The following NTM variants were observed in gnomAD, a reference collection of about 807,000 sequenced individuals.
NTM encodes the protein IgLON family member 2.
A neutral mutation model predicts 42.1 loss-of-function variants in NTM; 13 were observed. The observed-to-expected ratio is 0.31, with a 90% CI of 0.20 to 0.49. The LOEUF (loss-of-function observed/expected upper bound fraction) is 0.49. NTM is among the 20% of genes least tolerant of loss of function. The pLI is 0.99. For synonymous variants in NTM, 187 were observed against 179.2 expected (o/e 1.04, Z -0.35); for missense variants, 373 against 452.8 (o/e 0.82, Z 1.60).
intron 1 of NTM, among the ~76,000 whole-genome samples, chr11:131,876,662 A>C (rs550554078): frequency 6.6e-6 from 1 of 152,314 alleles, no homozygotes; most frequent in Non-Finnish European, 1.5e-5. Flanking sequence ...AAGAGATATC[A>C]CTTATGCTAC....
intron 3 of NTM, among the ~76,000 whole-genome samples, chr11:132,188,479 A>G (rs578250755): frequency 6.6e-6 from 1 of 152,306 alleles, no homozygotes; most frequent in East Asian, 1.9e-4. Flanking sequence ...ACATCTTCAG[A>G]AAGGAAAATT....
intron 1 of NTM, chr11:131,546,831 C>G (rs2054010999): frequency 6.6e-6 from 1 of 152,312 alleles, no homozygotes; most frequent in Non-Finnish European, 1.5e-5. Flanking sequence ...CTTCCTCTTT[C>G]TTTCCATTGC....
chr11:132,130,751 GC>G (rs1219820210), intron 2 of NTM, among the ~76,000 whole-genome samples: 2 of 152,210 alleles, frequency 1.3e-5, no homozygotes, highest in Non-Finnish European at 2.9e-5. Context: ...TGATGGAGTT[GC>G]CGGCAGCAGA....
At chr11:132,023,907 C>G (rs1419438772) in intron 2 of NTM, among the ~76,000 whole-genome samples, 1 of 151,886 alleles carries the variant, frequency 6.6e-6, no homozygotes, top group Non-Finnish European at 1.5e-5. Context: ...CAACCTCCAC[C>G]TCCTGGGTTC....
chr11:132,222,647 C>G (rs1193461345), intron 4 of NTM, among the ~76,000 whole-genome samples: 1 of 152,154 alleles, frequency 6.6e-6, no homozygotes, highest in Non-Finnish European at 1.5e-5. Context: ...CCGCAGCCTG[C>G]CTTTTGCACT....
intron 1 of NTM, among the ~76,000 whole-genome samples, chr11:131,633,535 C>T (rs1437639074): frequency 1.3e-5 from 2 of 151,942 alleles, no homozygotes; most frequent in East Asian, 3.9e-4. Context: ...CTCTCTCTCT[C>T]TCTCTCTATC....
intron 1 of NTM, among the ~76,000 whole-genome samples, chr11:131,500,567 ATATATATATATTTTTTTTTTTT>A (rs2046636324): frequency 3.7e-5 from 1 of 27,102 alleles, no homozygotes; most frequent in African/African-American, 2.8e-4. Flanking sequence ...ATATATATAT[ATATATATATATTTTTTTTTTTT>A]TTTTTTGTAT....
chr11:132,183,708 C>T (rs1484350196), intron 3 of NTM, among the ~76,000 whole-genome samples: 1 of 152,146 alleles, frequency 6.6e-6, no homozygotes, highest in Non-Finnish European at 1.5e-5. Context: ...GACTCACCAA[C>T]TCCAAAAAGT....
At position 131,789,871 on chromosome 11, in the gene NTM, G is replaced by A. The variant is rs1382711790; in HGVS notation, c.83-121693G>A. Among the ~76,000 whole-genome samples, 79 of 149,690 alleles carry A rather than the reference G, an allele frequency of 5.3e-4. 1 individual carries two copies. Among genetic ancestry groups the A allele is most frequent in the African/African-American group, 1.6e-3 (64 of 40,894 alleles). ...CACGGGAGGCTGAGGCAGGAGAATGGCGTGAACCCGGGAGGCGGAGCTTGC... is the reference window on the plus strand; with the variant it reads ...CACGGGAGGCTGAGGCAGGAGAATGACGTGAACCCGGGAGGCGGAGCTTGC... On this transcript the variant is annotated intron_variant, in intron 1 of 8. Transcript: ENST00000683400.
intron 1 of NTM, among the ~76,000 whole-genome samples, chr11:131,794,187 G>C (rs901964903): frequency 2.0e-5 from 3 of 152,132 alleles, no homozygotes; most frequent in Non-Finnish European, 4.4e-5. Context: ...CCACCTCTGT[G>C]TGCAGGGCCT....
chr11:131,498,668 T>C (rs1955605471), intron 1 of NTM, among the ~76,000 whole-genome samples: 1 of 152,200 alleles, frequency 6.6e-6, no homozygotes, highest in African/African-American at 2.4e-5. Context: ...TGCATATACA[T>C]GAGCAGCTCA....
At chr11:132,245,330 G>C (rs1421453730) in intron 4 of NTM, among the ~76,000 whole-genome samples, 1 of 152,114 alleles carries the variant, frequency 6.6e-6, no homozygotes, top group Non-Finnish European at 1.5e-5. Context: ...GCATTCAGAC[G>C]GGAGGTGAAA....
intron 1 of NTM, among the ~76,000 whole-genome samples, chr11:131,592,610 A>G (rs926423196): frequency 1.4e-5 from 2 of 146,158 alleles, no homozygotes; most frequent in Non-Finnish European, 3.0e-5. Context: ...CCTCTCTCCT[A>G]TTCACCTCCC....
intron 3 of NTM, among the ~76,000 whole-genome samples, chr11:132,203,930 A>G (rs934438884): frequency 1.5e-4 from 23 of 152,238 alleles, no homozygotes; most frequent in Non-Finnish European, 2.9e-4. Context: ...ACAACAAAAA[A>G]AAAACACTGC....
At chr11:131,976,116 ATTCC>A (rs373955090) in intron 2 of NTM, among the ~76,000 whole-genome samples, 4,414 of 123,822 alleles carry the variant, frequency 0.036, 107 homozygotes, top group African/African-American at 0.068. Context: ...TCCCTCCCTC[ATTCC>A]TTCCTTCCTT....
chr11:131,742,930 G>A (rs570419467), intron 1 of NTM, among the ~76,000 whole-genome samples: 2 of 152,294 alleles, frequency 1.3e-5, no homozygotes, highest in Admixed American at 1.3e-4. Flanking sequence ...AAGTGAAGGG[G>A]GGCCTCTTAA....
chr11:131,732,486 G>A (rs2079820077), intron 1 of NTM, among the ~76,000 whole-genome samples: 1 of 152,146 alleles, frequency 6.6e-6, no homozygotes, highest in Non-Finnish European at 1.5e-5. Flanking sequence ...AATTGGTCAT[G>A]CCGAATTGGA....
chr11:131,419,885 C>G (rs1011147686), intron 1 of NTM, among the ~76,000 whole-genome samples: 2 of 152,018 alleles, frequency 1.3e-5, no homozygotes, highest in Non-Finnish European at 2.9e-5. Context: ...AGCTGGCTGC[C>G]CACCATTTTT....
At chr11:131,609,293 G>A (rs1294327872) in intron 1 of NTM, among the ~76,000 whole-genome samples, 1 of 152,218 alleles carries the variant, frequency 6.6e-6, no homozygotes, top group Non-Finnish European at 1.5e-5. Context: ...GCTTGAGATG[G>A]TGTGCTGTTT....
Sources: allele counts gnomAD v4.1 joint callset (sites outside exome capture counted in the v4.1 genomes callset), GRCh38; gene constraint gnomAD v4.1.1; transcripts MANE v1.5; gene names NCBI Gene and HGNC (gene_info 2026-07-23, HGNC 2026-07-21).